Variants in ADGRA3 observed in about 807,000 individuals in gnomAD.
ADGRA3 encodes the protein G-protein coupled receptor 125.
In ADGRA3, 56 loss-of-function variants were observed where a neutral mutation model predicts 119.8. The observed-to-expected ratio is 0.47, with a 90% CI of 0.38 to 0.58. The LOEUF is 0.58. Among genes scored for constraint, ADGRA3 ranks in the 20% least tolerant of loss-of-function variants. The pLI, the probability that ADGRA3 is intolerant of heterozygous loss-of-function variation, is 0.00. For synonymous variants in ADGRA3, 607 were observed against 623.8 expected (o/e 0.97, Z 0.40); for missense variants, 1,516 against 1,649.0 (o/e 0.92, Z 1.40).
chr4:22,434,750 T>G (rs567596527), intron 10 of ADGRA3, among the ~76,000 whole-genome samples: 2 of 152,338 alleles, frequency 1.3e-5, no homozygotes, highest in Admixed American at 6.5e-5. Context: ...AGATATCATG[T>G]GGACAAGCAT....
intron 7 of ADGRA3, among the ~76,000 whole-genome samples, chr4:22,442,313 G>T (rs953562477): frequency 3.9e-5 from 6 of 152,062 alleles, no homozygotes; most frequent in Admixed American, 2.0e-4. Flanking sequence ...AATATCAGGT[G>T]ATTACTAAAA....
intron 3 of ADGRA3, chr4:22,455,929 T>C: frequency 1.4e-6 from 1 of 729,638 alleles, no homozygotes; most frequent in Non-Finnish European, 2.0e-6. Context: ...CATCACACTT[T>C]GAATTCTGAC....
intron 7 of ADGRA3, among the ~76,000 whole-genome samples, chr4:22,440,771 T>C (rs1467170919): frequency 6.6e-6 from 1 of 152,208 alleles, no homozygotes; most frequent in African/African-American, 2.4e-5. Flanking sequence ...TCAATTATTG[T>C]CTGTTTATAC....
At chr4:22,443,492 T>C (rs1458147593) in intron 6 of ADGRA3, among the ~76,000 whole-genome samples, 1 of 152,190 alleles carries the variant, frequency 6.6e-6, no homozygotes, top group Non-Finnish European at 1.5e-5. Context: ...CTACTTTTAG[T>C]AGTACTGTAT....
At chr4:22,504,070 C>A (rs61793417) in intron 1 of ADGRA3, among the ~76,000 whole-genome samples, 1 of 151,912 alleles carries the variant, frequency 6.6e-6, no homozygotes, top group Non-Finnish European at 1.5e-5. Context: ...TAGAATGAAG[C>A]CTAAATTGTC....
rs189698206 is a variant in ADGRA3, at chr4:22,419,809, G to A, written c.1809+1077C>T. On this transcript the variant is annotated intron_variant, in intron 12 of 18. Coordinates refer to ENST00000334304, the MANE Select transcript of ADGRA3 (RefSeq NM_145290.4). ...AATATAAGACACAATAAGGAAAGTT[G>A]AGCAGGTCCAAAGGAGTGTGGCACA... Among the ~76,000 whole-genome samples the A allele has an allele frequency of 4.6e-5, 7 of 152,178 alleles. No homozygotes were observed. The East Asian group carries it at 1.4e-3, about 29-fold the overall frequency.
intron 3 of ADGRA3, among the ~76,000 whole-genome samples, chr4:22,460,880 G>A (rs374294762): frequency 7.2e-5 from 11 of 152,160 alleles, no homozygotes; most frequent in Admixed American, 6.5e-4. Context: ...CTCAGTAAAC[G>A]CTTTCAGAAA....
In ADGRA3 at chr4:22,486,205, T is replaced by G. The variant is rs1367631133; in HGVS notation, c.258-12362A>C. On this transcript the variant is annotated intron_variant, in intron 1 of 18. Transcript: ENST00000334304. ...ATGGATCTTTCCATATTTTTATGCTTCTTCTATTATTTTCAACAGAATTTT... is the reference window on the plus strand; with the variant it reads ...ATGGATCTTTCCATATTTTTATGCTGCTTCTATTATTTTCAACAGAATTTT... Among the ~76,000 whole-genome samples, 9 of 152,290 alleles carry G rather than the reference T, an allele frequency of 5.9e-5. No individual in the cohort carries two copies. In the East Asian group the frequency reaches 1.2e-3, roughly 20 times the overall value.
At chr4:22,443,018 G>A (rs1716681052) in intron 6 of ADGRA3, 155 bp from the exon 7 acceptor site, 1 of 688,572 alleles carries the variant, frequency 1.5e-6, no homozygotes, top group African/African-American at 1.8e-5. Context: ...GGCTGCTACT[G>A]AGTTTAGTGA....
intron 16 of ADGRA3, chr4:22,394,304 G>A (rs1041824282): frequency 2.0e-5 from 3 of 152,196 alleles, no homozygotes; most frequent in African/African-American, 7.2e-5. Context: ...GAAAGCCAGG[G>A]TGGCCCCTCT....
intron 10 of ADGRA3, among the ~76,000 whole-genome samples, chr4:22,426,445 G>C (rs747641773): frequency 1.3e-5 from 2 of 152,092 alleles, no homozygotes; most frequent in East Asian, 3.9e-4. Context: ...CCATGTATCC[G>C]ATATGTATCA....
At position 22,460,483 on chromosome 4, in the gene ADGRA3, C is replaced by T. The variant is rs1466853319; in HGVS notation, c.401+1254G>A. Among the ~76,000 whole-genome samples, 8 of 152,206 alleles carry T rather than the reference C, an allele frequency of 5.3e-5. No individual in the cohort carries two copies. The East Asian group carries it at 1.5e-3, about 29-fold the overall frequency. The stretch of plus-strand genomic sequence containing the variant: ...GACCCTTATCAGCCTAGACAAGGCA[C>T]CAAAGGAATCTACATAACAAACATT... On this transcript the variant is annotated intron_variant, in intron 3 of 18. Coordinates refer to ENST00000334304, the MANE Select transcript of ADGRA3 (RefSeq NM_145290.4).
At chr4:22,429,779 C>T (rs1716085859) in intron 10 of ADGRA3, among the ~76,000 whole-genome samples, 1 of 152,164 alleles carries the variant, frequency 6.6e-6, no homozygotes, top group African/African-American at 2.4e-5. Flanking sequence ...CCTACACTGG[C>T]ACTCGGCAGA....
At chr4:22,437,857 T>A (rs1368449414) in intron 8 of ADGRA3, among the ~76,000 whole-genome samples, 2 of 152,110 alleles carry the variant, frequency 1.3e-5, no homozygotes. Flanking sequence ...TAGTGAAAAG[T>A]ACCTTAGCAA....
intron 1 of ADGRA3, among the ~76,000 whole-genome samples, chr4:22,502,292 G>A (rs1243416191): frequency 6.6e-6 from 1 of 152,206 alleles, no homozygotes; most frequent in African/African-American, 2.4e-5. Context: ...AGAGGAAGAA[G>A]TATGTAGTGA....
rs1377354960 is a variant in ADGRA3 at position 22,465,150 on chromosome 4, A to G, written c.330-3342T>C. 2.0e-5 allele frequency among the ~76,000 whole-genome samples: 3 copies of G among 152,214 alleles called. No homozygotes were observed. In the East Asian group the frequency reaches 5.8e-4, roughly 29 times the overall value. ...CAACTATCAAGGATTCCAAAATTTAATAACACTATAATTATTGCTATCAAT... is the reference window on the plus strand; with the variant it reads ...CAACTATCAAGGATTCCAAAATTTAGTAACACTATAATTATTGCTATCAAT... On this transcript the variant is annotated intron_variant, in intron 2 of 18. Transcript: ENST00000334304.
chr4:22,443,217 T>C (rs1267985399), intron 6 of ADGRA3: 2 of 582,688 alleles, frequency 3.4e-6, no homozygotes, highest in Admixed American at 3.5e-5. Flanking sequence ...AAATACACTT[T>C]GGAGACTGCA....
chr4:22,444,468 TAG>T (rs978296337), intron 6 of ADGRA3, among the ~76,000 whole-genome samples: 2 of 152,128 alleles, frequency 1.3e-5, no homozygotes, highest in Admixed American at 6.6e-5. Context: ...GTATTTTTAG[TAG>T]AGACAGGGTT....
At chr4:22,433,285 G>A (rs963945541) in intron 10 of ADGRA3, among the ~76,000 whole-genome samples, 7 of 152,208 alleles carry the variant, frequency 4.6e-5, no homozygotes, top group African/African-American at 1.7e-4. Context: ...ACTAACTGAT[G>A]CACTCATGAT....
Sources: gnomAD v4.1 joint callset for allele counts (sites outside exome capture counted in the v4.1 genomes callset) on GRCh38, gnomAD v4.1.1 for gene constraint, MANE v1.5 for transcripts, NCBI Gene and HGNC (gene_info 2026-07-23, HGNC 2026-07-21) for gene names.